Variants in ANKLE2 observed in about 807,000 individuals in gnomAD.
ANKLE2 encodes the protein ankyrin repeat and LEM domain-containing protein 2.
ANKLE2 carries 55 observed loss-of-function variants against 84.2 expected under a neutral mutation model. The observed-to-expected ratio is 0.65, with a 90% confidence interval of 0.53 to 0.82. The LOEUF (loss-of-function observed/expected upper bound fraction) is 0.82. Among genes scored for constraint, ANKLE2 ranks in the 40% least tolerant of loss-of-function variants. The pLI is 0.00. For missense variants in ANKLE2, 1,238 were observed against 1,201.9 expected (o/e 1.03, Z -0.44); for synonymous variants, 551 against 486.1 (o/e 1.13, Z -1.76).
At chr12:132,734,007 T>G (rs2043951998) in intron 10 of ANKLE2, 1 of 461,254 alleles carries the variant, frequency 2.2e-6, no homozygotes, top group African/African-American at 2.0e-5. Flanking sequence ...TTCCCAGCAC[T>G]CTAGTGGATC....
At position 132,748,298 on chromosome 12, in the gene ANKLE2, T is replaced by A. The variant is rs767885706; in HGVS notation, c.881A>T (p.Asn294Ile). ...TTTGTAACTGTTCGCTCGCTCTTTGTTGACTGTTTCTGATTCCGACAAGCA... is the reference window on the plus strand; with the variant it reads ...TTTGTAACTGTTCGCTCGCTCTTTGATGACTGTTTCTGATTCCGACAAGCA... ...GLCLSESETV[N>I]KERANSYKNP... Residue 294 changes from asparagine to isoleucine, a missense_variant, in exon 4 of 13, where the codon AAC becomes ATC. This residue lies in a region of ANKLE2 where 422 missense variants were observed against 394.5 expected (regional missense o/e 1.07). Transcript: ENST00000357997. The A allele has an allele frequency of 1.2e-5, 19 of 1,614,194 alleles. No homozygotes were observed. In the South Asian group the frequency reaches 1.6e-4, roughly 14 times the overall value.
chr12:132,747,730 A>T (rs779670200), intron 5 of ANKLE2, 102 bp downstream of exon 5: 2 of 1,428,958 alleles, frequency 1.4e-6, no homozygotes, highest in Non-Finnish European at 1.9e-6. Flanking sequence ...CTTTTCCCCA[A>T]AGTTATTATA....
intron 1 of ANKLE2, chr12:132,757,465 T>C (rs563865054): frequency 8.7e-4 from 133 of 152,298 alleles, no homozygotes; most frequent in African/African-American, 3.1e-3. Flanking sequence ...GGAAGATCAC[T>C]TGAGCCCAGG....
chr12:132,747,904 A>T lies in ANKLE2; in HGVS notation c.1158T>A (p.Asp386Glu), dbSNP rs767984368. Residue 386 changes from aspartate (D) to glutamate (E), a missense_variant, in exon 5 of 13, where the codon GAT becomes GAA. By Grantham distance (45) the Asp-to-Glu change is conservative. Transcript: ENST00000357997. ...NPDFMRLMYP[D>E]DDEAMLQKRI... is the part of the protein sequence containing the mutation. ...GCTTCTGCAGCATGGCCTCGTCGTC[A>T]TCAGGGTACATCAGCCTCATGAAGT... The T allele has an allele frequency of 1.2e-5, 19 of 1,608,038 alleles. No homozygotes were observed. The highest frequency in any genetic ancestry group is 1.4e-5 in the Non-Finnish European group (16 of 1,178,678).
At chr12:132,735,911 A>G (rs1224706944) in intron 8 of ANKLE2, among the ~76,000 whole-genome samples, 1 of 152,202 alleles carries the variant, frequency 6.6e-6, no homozygotes, top group East Asian at 1.9e-4. Flanking sequence ...TGCTTTATGC[A>G]TCTCACCTAA....
chr12:132,747,529 C>T (rs1035007685), intron 5 of ANKLE2, among the ~76,000 whole-genome samples: 1 of 152,178 alleles, frequency 6.6e-6, no homozygotes, highest in Non-Finnish European at 1.5e-5. Context: ...GGAAGTGCTG[C>T]TCAGCTCAAG....
chr12:132,742,087 C>G, intron 6 of ANKLE2: 1 of 310,392 alleles, frequency 3.2e-6, no homozygotes, highest in Non-Finnish European at 6.3e-6. Flanking sequence ...ATTTTTGAGT[C>G]TGTACCTGAT....
intron 12 of ANKLE2, 67 bp downstream of exon 12, chr12:132,727,965 G>GA (rs2136099249): frequency 6.4e-7 from 1 of 1,554,826 alleles, no homozygotes; most frequent in Non-Finnish European, 8.7e-7. Context: ...GCATGAAGTG[G>GA]AACTGGACCC....
In ANKLE2 at chr12:132,741,416, T is replaced by C. The variant is rs779774746; in HGVS notation, c.1420+3A>G. 19 of 1,613,876 alleles carry C rather than the reference T, an allele frequency of 1.2e-5. No individual in the cohort carries two copies. Among genetic ancestry groups the C allele is most frequent in the African/African-American group, 1.3e-5 (1 of 74,946 alleles). On this transcript the variant is annotated splice_donor_region_variant and intron_variant, in intron 7 of 12. Transcript: ENST00000357997. ...CGATCCAGGCACCAACTCCCCATCT[T>C]ACCCTTTAAATACTCTCTGATCCGC...
At chr12:132,730,888 C>T (rs1249121549) in intron 10 of ANKLE2, 1 of 152,368 alleles carries the variant, frequency 6.6e-6, no homozygotes, top group Non-Finnish European at 1.5e-5. Context: ...CCAAGGGCAG[C>T]CCAGGTGATG....
At position 132,754,549 on chromosome 12, in the gene ANKLE2, G is replaced by T. The variant is rs1001240720; in HGVS notation, c.640+126C>A. On this transcript the variant is annotated intron_variant, in intron 2 of 12. Coordinates refer to ENST00000357997, the MANE Select transcript of ANKLE2 (RefSeq NM_015114.3). The stretch of plus-strand genomic sequence containing the variant: ...TAAAAATGTTAACAATGGTTAACTG[G>T]GGTGATGAGATGGAGGGGATTGGAT... 3 of 845,760 alleles carry T rather than the reference G, an allele frequency of 3.5e-6. No individual in the cohort carries two copies. In the African/African-American group the frequency reaches 5.1e-5, roughly 14 times the overall value. 52.4% of individuals were successfully genotyped at this position (845,760 alleles called of 1,614,324 possible).
chr12:132,730,229 C>T lies in ANKLE2; in HGVS notation c.1933G>A (p.Asp645Asn). The change falls in exon 11 of 13, where the codon GAC becomes AAC. Residue 645 changes from aspartate (D) to asparagine (N), a missense_variant. Transcript: ENST00000357997. ...TTTTTTATTTCTTCCAAGCTCATGT[C>T]ATCTTCATCTAGAAACGCCCTCACG... ...ISVRAFLDED[D>N]MSLEEIKNRQ... is the part of the protein sequence containing the mutation. 1 of 1,583,032 alleles carries T rather than the reference C, an allele frequency of 6.3e-7. No homozygotes were observed. Among genetic ancestry groups the T allele is most frequent in the East Asian group, 2.3e-5 (1 of 44,414 alleles).
chr12:132,736,993 T>C lies in ANKLE2; in HGVS notation c.1493A>G (p.Asp498Gly). 2 of 1,613,616 alleles carry C rather than the reference T, an allele frequency of 1.2e-6. No homozygotes were observed. Among genetic ancestry groups the C allele is most frequent in the Non-Finnish European group, 1.7e-6 (2 of 1,179,684 alleles). Residue 498 changes from aspartate (D) to glycine (G), a missense_variant, in exon 8 of 13, where the codon GAC (aspartate) becomes GGC (glycine). Physicochemically the swap from Asp to Gly is moderately conservative, Grantham distance 94. Coordinates refer to ENST00000357997, the MANE Select transcript of ANKLE2 (RefSeq NM_015114.3). The stretch of plus-strand genomic sequence containing the variant: ...GACGTGAGAGGCCTCAGCCGTCTGG[T>C]CTGGGGACCACAGCTCCCCGATGAC... ...SPVIGELWSP[D>G]QTAEASHVSR...
In ANKLE2 at chr12:132,730,199, G is replaced by A. The variant is rs768549526; in HGVS notation, c.1963C>T (p.Gln655Ter). ...GGGCTGTTATTTCGAGCTGCATTTT[G>A]CCGATTTTTTATTTCTTCCAAGCTC... ...DMSLEEIKNRQNAARNNSPPT... is the reference protein window; with the variant it reads ...DMSLEEIKNR Residue 655 changes from glutamine to a stop codon, truncating the protein, a stop_gained, in exon 11 of 13, where the codon CAA becomes TAA. Coordinates refer to ENST00000357997, the MANE Select transcript of ANKLE2 (RefSeq NM_015114.3). LOFTEE classifies it high-confidence loss of function. 6.3e-7 allele frequency: 1 copy of A among 1,599,880 alleles called. No homozygotes were observed. The highest frequency in any genetic ancestry group is 8.5e-7 in the Non-Finnish European group (1 of 1,173,200).
chr12:132,732,771 T>C (rs1305861803), intron 10 of ANKLE2, among the ~76,000 whole-genome samples: 2 of 123,772 alleles, frequency 1.6e-5, no homozygotes, highest in African/African-American at 6.1e-5. Flanking sequence ...CGCGTCCTGG[T>C]GTCTGATATG....
intron 1 of ANKLE2, chr12:132,759,171 GCACCC>G (rs2044557157): frequency 4.5e-5 from 2 of 44,508 alleles, no homozygotes; most frequent in Non-Finnish European, 8.3e-5. Flanking sequence ...CTGCGGAGTG[GCACCC>G]CGGGGCACCC....
At chr12:132,758,527 A>G (rs1355776012) in intron 1 of ANKLE2, 1 of 152,254 alleles carries the variant, frequency 6.6e-6, no homozygotes, top group Non-Finnish European at 1.5e-5. Context: ...TTCCATTAAC[A>G]ATTTTTTTTT....
Position 132,729,707 on chromosome 12 carries a change from C to A in ANKLE2, c.2455G>T (p.Glu819Ter). Residue 819 changes from glutamate to a stop codon, truncating the protein, a stop_gained, in exon 11 of 13, where the codon GAA becomes TAA. Coordinates refer to ENST00000357997, the MANE Select transcript of ANKLE2 (RefSeq NM_015114.3). LOFTEE classifies it high-confidence loss of function. ...RHEDQLEVTREPARRLFLFGE... is the reference protein window; with the variant it reads ...RHEDQLEVTR Reference sequence around the variant, plus strand: ...AAAAGGAAGAGCCGCCTGGCCGGTTCCCTGGTGACCTCGAGCTGATCCTCG... The same window carrying A: ...AAAAGGAAGAGCCGCCTGGCCGGTTACCTGGTGACCTCGAGCTGATCCTCG... 1 of 1,608,128 alleles carries A rather than the reference C, an allele frequency of 6.2e-7. No individual in the cohort carries two copies. Among genetic ancestry groups the A allele is most frequent in the Non-Finnish European group, 8.5e-7 (1 of 1,178,564 alleles).
At position 132,727,330 on chromosome 12, in the gene ANKLE2, G is replaced by T; in HGVS notation, c.2729C>A (p.Pro910Gln). ...NSVAGSNPAK[P>Q]GLGSPGRYSP... ...GTAGCGCCCAGGACTGCCCAGGCCTGGCTTTGCGGGGTTGCTTCCAGCCAC... is the reference window on the plus strand; with the variant it reads ...GTAGCGCCCAGGACTGCCCAGGCCTTGCTTTGCGGGGTTGCTTCCAGCCAC... Residue 910 changes from proline (P) to glutamine (Q), a missense_variant, in exon 13 of 13, where the codon CCA (proline) becomes CAA (glutamine). Pro to Gln is a moderately conservative substitution (Grantham distance 76). This residue lies in a region of ANKLE2 where 802 missense variants were observed against 774.5 expected (regional missense o/e 1.04). Coordinates refer to ENST00000357997, the MANE Select transcript of ANKLE2 (RefSeq NM_015114.3). The T allele has an allele frequency of 6.4e-7, 1 of 1,562,736 alleles. No individual in the cohort carries two copies. Among genetic ancestry groups the T allele is most frequent in the Non-Finnish European group, 8.7e-7 (1 of 1,154,010 alleles).
Sources: gnomAD v4.1 joint callset for allele counts (sites outside exome capture counted in the v4.1 genomes callset) on GRCh38, gnomAD v4.1.1 for gene constraint, gnomAD v4.1.1 regional missense constraint, MANE v1.5 for transcripts, NCBI Gene and HGNC (gene_info 2026-07-23, HGNC 2026-07-21) for gene names.